Variants in ACKR3 observed in about 807,000 individuals in gnomAD.
The protein encoded by ACKR3 is C-X-C chemokine receptor type 7.
Under a neutral mutation model 22.4 loss-of-function variants are expected in ACKR3, and 6 were observed. The observed-to-expected ratio is 0.27, with a 90% CI of 0.15 to 0.53. ACKR3 has a LOEUF of 0.53. Ranked by LOEUF, ACKR3 falls within the 20% of genes least tolerant of loss-of-function variation. The pLI, the probability that ACKR3 is intolerant of heterozygous loss-of-function variation, is 0.96. For missense variants in ACKR3, 396 were observed against 475.2 expected (o/e 0.83, Z 1.55); for synonymous variants, 209 against 205.2 (o/e 1.02, Z -0.16).
At position 236,580,537 on chromosome 2, in the gene ACKR3, C is replaced by T. The variant is rs115338217; in HGVS notation, c.72C>T (p.Ser24=). ...ACATCAGCTGGCCATGCAACAGCAG[C>T]GACTGCATCGTGGTGGACACGGTGA... ...FSDISWPCNS[S]DCIVVDTVMC... The change falls in exon 2 of 2, where the codon AGC becomes AGT. Residue 24 remains serine, a synonymous_variant. Coordinates refer to ENST00000272928, the MANE Select transcript of ACKR3 (RefSeq NM_020311.3). The T allele has an allele frequency of 7.7e-5, 124 of 1,614,250 alleles. No homozygotes were observed. In the Middle Eastern group the frequency reaches 8.2e-4, roughly 11 times the overall value.
chr2:236,539,306 C>CTTTTTTTTT, the ACKR3 span, among the ~76,000 whole-genome samples: 60 of 120,734 alleles, frequency 5.0e-4, no homozygotes, highest in East Asian at 6.9e-4. Context: ...TTTTTCTTTT[C>CTTTTTTTTT]TTTTTTTTTT....
chr2:236,581,476 A>G lies in ACKR3; in HGVS notation c.1011A>G (p.Lys337=). The G allele has an allele frequency of 2.5e-6, 4 of 1,614,178 alleles. No individual in the cohort carries two copies. The highest frequency in any genetic ancestry group is 3.4e-6 in the Non-Finnish European group (4 of 1,180,026). Reference sequence around the variant, plus strand: ...CCTTCATCTTCAAGTACTCGGCCAAAACAGGGCTCACCAAGCTCATCGATG... The same window carrying G: ...CCTTCATCTTCAAGTACTCGGCCAAGACAGGGCTCACCAAGCTCATCGATG... The part of the protein sequence containing the change: ...MKAFIFKYSA[K]TGLTKLIDAS... The change falls in exon 2 of 2, where the codon AAA becomes AAG. Residue 337 remains lysine (K), a synonymous_variant. Coordinates refer to ENST00000272928, the MANE Select transcript of ACKR3 (RefSeq NM_020311.3). This position sits in a 1 kb window ranked among gnomAD's most constrained non-coding sequence, Gnocchi z 4.4.
the ACKR3 span, among the ~76,000 whole-genome samples, chr2:236,555,032 C>T: frequency 1.3e-5 from 2 of 152,330 alleles, no homozygotes; most frequent in African/African-American, 4.8e-5. Context: ...TCCTCACATG[C>T]CAATCAAGTG....
chr2:236,563,034 C>T (rs1374725657), upstream of ACKR3, among the ~76,000 whole-genome samples: 1 of 152,116 alleles, frequency 6.6e-6, no homozygotes, highest in Non-Finnish European at 1.5e-5. Flanking sequence ...TTGTATTTCC[C>T]CAATAACTAA....
the ACKR3 span, among the ~76,000 whole-genome samples, chr2:236,540,107 C>G: frequency 6.6e-6 from 1 of 152,202 alleles, no homozygotes; most frequent in African/African-American, 2.4e-5. Flanking sequence ...AACTGCAAAA[C>G]AGTTTTCCAA....
chr2:236,543,941 GTA>G, the ACKR3 span, among the ~76,000 whole-genome samples: 945 of 57,558 alleles, frequency 0.016, 32 homozygotes, highest in Non-Finnish European at 0.029. Context: ...TGGGAGAAGG[GTA>G]TATATATATA....
rs1422949060 is a variant in ACKR3, at chr2:236,574,138, T to C, written c.-27+4214T>C. ...GTTGGGGGGAGATGTTTCTGATTTG[T>C]TGTCCTCACGTGCCCCAGAGCAGTG... On this transcript the variant is annotated intron_variant, in intron 1 of 1. Transcript: ENST00000272928. The surrounding 1 kb of genome is among the most constrained non-coding windows in gnomAD (Gnocchi z 5.6). Among the ~76,000 whole-genome samples the C allele has an allele frequency of 6.6e-6, 1 of 152,036 alleles. No homozygotes were observed. Among genetic ancestry groups the C allele is most frequent in the Non-Finnish European group, 1.5e-5 (1 of 67,998 alleles).
chr2:236,556,251 G>A, the ACKR3 span, among the ~76,000 whole-genome samples: 1 of 152,216 alleles, frequency 6.6e-6, no homozygotes, highest in Non-Finnish European at 1.5e-5. Flanking sequence ...GTGCTTGTGT[G>A]CAGCCAGGGT....
At chr2:236,571,909 C>G (rs1413653465) in intron 1 of ACKR3, among the ~76,000 whole-genome samples, 3 of 152,030 alleles carry the variant, frequency 2.0e-5, no homozygotes, top group African/African-American at 7.2e-5. Context: ...ACCTTTAAAC[C>G]AGGCAATCAA....
intron 1 of ACKR3, among the ~76,000 whole-genome samples, chr2:236,579,967 C>G (rs2106508676): frequency 6.6e-6 from 1 of 152,364 alleles, no homozygotes; most frequent in African/African-American, 2.4e-5. Context: ...GACACCAAAG[C>G]AGGACACTTG....
At chr2:236,542,953 G>C in the ACKR3 span, among the ~76,000 whole-genome samples, 1 of 85,004 alleles carries the variant, frequency 1.2e-5, no homozygotes, top group East Asian at 2.8e-4. Context: ...TTCTATATGC[G>C]GGCCCTGTGA....
chr2:236,552,060 C>T, the ACKR3 span, among the ~76,000 whole-genome samples: 3 of 152,172 alleles, frequency 2.0e-5, no homozygotes, highest in Admixed American at 6.5e-5. Context: ...TCTCTACCCC[C>T]GTAGAACTTT....
the ACKR3 span, among the ~76,000 whole-genome samples, chr2:236,541,533 C>T: frequency 6.6e-6 from 1 of 152,272 alleles, no homozygotes; most frequent in Admixed American, 6.5e-5. Context: ...TTATTTGGTA[C>T]TTTATTGAGA....
chr2:236,579,837 T>G (rs762157504), intron 1 of ACKR3, among the ~76,000 whole-genome samples: 5 of 152,228 alleles, frequency 3.3e-5, no homozygotes, highest in Non-Finnish European at 7.3e-5. Flanking sequence ...AGAGGCTTTA[T>G]GACTGCACAC....
At chr2:236,537,637 G>T in the ACKR3 span, among the ~76,000 whole-genome samples, 1 of 152,138 alleles carries the variant, frequency 6.6e-6, no homozygotes, top group Non-Finnish European at 1.5e-5. Flanking sequence ...CTTCTGAATG[G>T]CTTAAATCCC....
chr2:236,563,315 A>G (rs1261964560), upstream of ACKR3, among the ~76,000 whole-genome samples: 1 of 152,196 alleles, frequency 6.6e-6, no homozygotes, highest in Non-Finnish European at 1.5e-5. Flanking sequence ...CGCCAAGCAC[A>G]GTGTGTGGAA....
chr2:236,543,100 C>T, the ACKR3 span, among the ~76,000 whole-genome samples: 35,832 of 152,094 alleles, frequency 0.24, 6,101 homozygotes, highest in African/African-American at 0.49. Flanking sequence ...AGGGAATCTT[C>T]CCAGGTGAGG....
the ACKR3 span, among the ~76,000 whole-genome samples, chr2:236,546,924 A>G: frequency 6.6e-6 from 1 of 152,200 alleles, no homozygotes; most frequent in African/African-American, 2.4e-5. This position sits in a 1 kb window ranked among gnomAD's most constrained non-coding sequence, Gnocchi z 4.9. Flanking sequence ...CTGGCCTTGG[A>G]GGTGGTTGTT....
rs563432984 is a variant in ACKR3, at chr2:236,574,083, C to T, written c.-27+4159C>T. Among the ~76,000 whole-genome samples the T allele has an allele frequency of 3.9e-4, 59 of 152,046 alleles. No homozygotes were observed. Among genetic ancestry groups the T allele is most frequent in the African/African-American group, 1.4e-3 (58 of 41,456 alleles). On this transcript the variant is annotated intron_variant, in intron 1 of 1. Coordinates refer to ENST00000272928, the MANE Select transcript of ACKR3 (RefSeq NM_020311.3). The surrounding 1 kb of genome is among the most constrained non-coding windows in gnomAD (Gnocchi z 5.6). Reference sequence around the variant, plus strand: ...GCCTGGGGGGTGATGGGCCTGCGTGCCTTCCCAATTAGCCGGCGGGGTCTC... The same window carrying T: ...GCCTGGGGGGTGATGGGCCTGCGTGTCTTCCCAATTAGCCGGCGGGGTCTC...
Sources: allele counts gnomAD v4.1 joint callset (sites outside exome capture counted in the v4.1 genomes callset), GRCh38; gene constraint gnomAD v4.1.1; non-coding constraint Gnocchi (gnomAD v3.1); transcripts MANE v1.5; gene names NCBI Gene and HGNC (gene_info 2026-07-23, HGNC 2026-07-21).